DPP10: variants seen among roughly 807,000 people sequenced by gnomAD.
DPP10 encodes dipeptidyl peptidase like 10.
Under a neutral mutation model 120.9 loss-of-function variants are expected in DPP10, and 33 were observed. That is an observed-to-expected ratio of 0.27 (90% CI 0.21 to 0.37). The LOEUF is 0.37. DPP10 is among the 10% of genes least tolerant of loss of function. The pLI is 1.00. For missense variants in DPP10, 816 were observed against 942.8 expected (o/e 0.87, Z 1.76); for synonymous variants, 337 against 326.1 (o/e 1.03, Z -0.36).
chr2:115,475,892 G>C lies in DPP10; in HGVS notation c.272-23618G>C, dbSNP rs77685450. ...TTGACCAATTTTTCCATTTTGGAAA[G>C]GGAATATTTACCCAATGCCTATACC... On this transcript the variant is annotated intron_variant, in intron 3 of 25. Coordinates refer to ENST00000410059, the MANE Select transcript of DPP10 (RefSeq NM_020868.6). Among the ~76,000 whole-genome samples, 81 of 152,288 alleles carry C rather than the reference G, an allele frequency of 5.3e-4. 3 individuals are homozygous for C. In the East Asian group the frequency reaches 0.014, roughly 27 times the overall value.
chr2:114,742,370 GA>G (rs1294636946), intron 1 of DPP10, among the ~76,000 whole-genome samples: 1 of 152,214 alleles, frequency 6.6e-6, no homozygotes, highest in Non-Finnish European at 1.5e-5. Flanking sequence ...TTTGGCATAT[GA>G]AAAGTATAAT....
intron 1 of DPP10, among the ~76,000 whole-genome samples, chr2:114,683,571 C>CCT (rs971553515): frequency 7.3e-6 from 1 of 136,960 alleles, no homozygotes; most frequent in Non-Finnish European, 1.6e-5. Context: ...TCCCTCCCTC[C>CCT]CTCTCTCTCT....
chr2:115,003,485 C>A (rs1701593404), intron 1 of DPP10, among the ~76,000 whole-genome samples: 1 of 151,546 alleles, frequency 6.6e-6, no homozygotes, highest in African/African-American at 2.4e-5. Context: ...ACCTATAGAA[C>A]AAATTTGCAG....
At chr2:114,956,444 A>C (rs1698205789) in intron 1 of DPP10, among the ~76,000 whole-genome samples, 1 of 152,128 alleles carries the variant, frequency 6.6e-6, no homozygotes, top group South Asian at 2.1e-4. Flanking sequence ...AAAAACATTG[A>C]AGAAGAGACA....
intron 3 of DPP10, among the ~76,000 whole-genome samples, chr2:115,385,956 A>G (rs942567440): frequency 2.0e-5 from 3 of 152,214 alleles, no homozygotes; most frequent in East Asian, 1.9e-4. Context: ...CTGTAATGAT[A>G]TTCTATGACT....
intron 1 of DPP10, among the ~76,000 whole-genome samples, chr2:114,562,597 G>A (rs1170176237): frequency 6.6e-6 from 1 of 152,184 alleles, no homozygotes; most frequent in Non-Finnish European, 1.5e-5. Context: ...TTTACAGCCT[G>A]TAAAGTACAC....
chr2:114,614,400 C>G (rs1321971182), intron 1 of DPP10, among the ~76,000 whole-genome samples: 1 of 152,140 alleles, frequency 6.6e-6, no homozygotes, highest in Non-Finnish European at 1.5e-5. Context: ...AATGCTTGGT[C>G]TTTCTTTTTA....
intron 1 of DPP10, among the ~76,000 whole-genome samples, chr2:114,474,336 C>T (rs886411139): frequency 5.9e-5 from 9 of 152,178 alleles, no homozygotes; most frequent in Admixed American, 1.3e-4. Flanking sequence ...GAATGAGGAA[C>T]GTAAAATTGC....
intron 1 of DPP10, among the ~76,000 whole-genome samples, chr2:115,210,626 A>G (rs577612842): frequency 2.0e-5 from 3 of 152,244 alleles, no homozygotes; most frequent in East Asian, 1.9e-4. Flanking sequence ...CTAGTTTACC[A>G]TCCCACCAAC....
At chr2:115,374,533 C>T (rs2065644380) in intron 3 of DPP10, among the ~76,000 whole-genome samples, 1 of 152,204 alleles carries the variant, frequency 6.6e-6, no homozygotes, top group Non-Finnish European at 1.5e-5. Flanking sequence ...ACAGCTCCAC[C>T]AGGCAGTGCC....
intron 1 of DPP10, among the ~76,000 whole-genome samples, chr2:115,191,065 T>G (rs1318932970): frequency 6.6e-6 from 1 of 152,162 alleles, no homozygotes; most frequent in East Asian, 1.9e-4. Context: ...TCCCTGAGAC[T>G]TCTGCTCCTA....
intron 22 of DPP10, 123 bp from the exon 23 acceptor site, chr2:115,836,384 C>A: frequency 7.2e-7 from 1 of 1,395,350 alleles, no homozygotes; most frequent in South Asian, 1.3e-5. Flanking sequence ...CTGTTTATCT[C>A]CTCCTTGATT....
chr2:115,075,850 C>T (rs1435953939), intron 1 of DPP10, among the ~76,000 whole-genome samples: 1 of 152,084 alleles, frequency 6.6e-6, no homozygotes, highest in Non-Finnish European at 1.5e-5. Flanking sequence ...ATTTAAAACT[C>T]ATAACAAGTA....
chr2:115,601,678 T>A (rs1253977384), intron 5 of DPP10, among the ~76,000 whole-genome samples: 1 of 152,124 alleles, frequency 6.6e-6, no homozygotes, highest in African/African-American at 2.4e-5. Context: ...ATTGTATCAC[T>A]TTCTTTTTTT....
chr2:115,770,206 G>C (rs1369450059), intron 13 of DPP10, among the ~76,000 whole-genome samples: 1 of 151,964 alleles, frequency 6.6e-6, no homozygotes, highest in Non-Finnish European at 1.5e-5. Context: ...CGTTGGGTAG[G>C]GTTGTGATGT....
rs180861542 is a variant in DPP10, at chr2:115,215,124, G to A, written c.61-94115G>A. Among the ~76,000 whole-genome samples the A allele has an allele frequency of 5.7e-3, 875 of 152,296 alleles. 9 individuals are homozygous for A. The highest frequency in any genetic ancestry group is 0.019 in the African/African-American group (801 of 41,556). ...CTATATGGTAATGACTGTTTGGTGG[G>A]TATTTTCAATGTTGATTTTCCAGAG... On this transcript the variant is annotated intron_variant, in intron 1 of 25. Transcript: ENST00000410059.
chr2:115,644,648 C>G (rs1382553409), intron 5 of DPP10, among the ~76,000 whole-genome samples: 1 of 150,776 alleles, frequency 6.6e-6, no homozygotes, highest in Admixed American at 6.6e-5. Flanking sequence ...GGCATGGTGG[C>G]GTGCACCACC....
chr2:115,367,755 A>G (rs866592619), intron 3 of DPP10, among the ~76,000 whole-genome samples: 21 of 152,032 alleles, frequency 1.4e-4, no homozygotes, highest in African/African-American at 5.1e-4. Flanking sequence ...TATGTGTATG[A>G]CTGACATTTA....
chr2:115,505,557 C>T (rs1439451267), intron 4 of DPP10, among the ~76,000 whole-genome samples: 1 of 152,124 alleles, frequency 6.6e-6, no homozygotes, highest in Non-Finnish European at 1.5e-5. Context: ...GAGGTCAGCT[C>T]TCTGACGTGT....
Sources: gnomAD v4.1 joint callset for allele counts (sites outside exome capture counted in the v4.1 genomes callset) on GRCh38, gnomAD v4.1.1 for gene constraint, MANE v1.5 for transcripts, NCBI Gene and HGNC (gene_info 2026-07-23, HGNC 2026-07-21) for gene names.